C6orf118: variants seen among roughly 807,000 people sequenced by gnomAD.
C6orf118 encodes chromosome 6 open reading frame 118.
Under a neutral mutation model 50.2 loss-of-function variants are expected in C6orf118, and 50 were observed. The ratio of observed to expected loss-of-function variants is 1.00; its 90% CI spans 0.79 to 1.26. C6orf118 has a LOEUF of 1.26. C6orf118 is among the 50% of genes most tolerant of loss of function. C6orf118 has a pLI of 0.00. For missense variants in C6orf118, 641 were observed against 578.7 expected (o/e 1.11, Z -1.10); for synonymous variants, 239 against 230.9 (o/e 1.03, Z -0.32).
chr6:165,302,261 C>A lies in C6orf118; in HGVS notation c.61G>T (p.Val21Leu), dbSNP rs1257110834. The A allele has an allele frequency of 1.9e-6, 3 of 1,613,708 alleles. No individual in the cohort carries two copies. The highest frequency in any genetic ancestry group is 2.2e-5 in the South Asian group (2 of 91,064). Reference sequence around the variant, plus strand: ...TGCTTCAGATTACACAGGGTCTTCACGCCTGGCGTCTCGCAGTGCTTCCAC... The same window carrying A: ...TGCTTCAGATTACACAGGGTCTTCAAGCCTGGCGTCTCGCAGTGCTTCCAC... ...LKWKHCETPG[V>L]KTLCNLKHCE... is the part of the protein sequence containing the mutation. Residue 21 changes from valine (V) to leucine (L), a missense_variant, in exon 2 of 9, where the codon GTG becomes TTG. Coordinates refer to ENST00000230301, the MANE Select transcript of C6orf118 (RefSeq NM_144980.4).
At chr6:165,300,319 CA>C in intron 3 of C6orf118, 44 bp downstream of exon 3, 1 of 1,608,186 alleles carries the variant, frequency 6.2e-7, no homozygotes, top group South Asian at 1.1e-5. Flanking sequence ...CACAGAACCT[CA>C]TGCAAGCTTC....
intron 6 of C6orf118, among the ~76,000 whole-genome samples, chr6:165,290,822 C>T (rs532759703): frequency 3.9e-5 from 6 of 152,210 alleles, no homozygotes; most frequent in South Asian, 2.1e-4. Flanking sequence ...GTCTGTTTCA[C>T]GCTGCTGATA....
rs766131268 is a variant in C6orf118 at position 165,301,831 on chromosome 6, G to A, written c.491C>T (p.Pro164Leu). 4.3e-6 allele frequency: 7 copies of A among 1,613,792 alleles called. No homozygotes were observed. The highest frequency in any genetic ancestry group is 5.9e-6 in the Non-Finnish European group (7 of 1,179,984). ...EGKEEKKGGP[P>L]GRGPPGWRRR... Reference sequence around the variant, plus strand: ...GCGCCATCCAGGAGGGCCCCGTCCAGGAGGGCCTCCTTTCTTTTCTTCCTT... The same window carrying A: ...GCGCCATCCAGGAGGGCCCCGTCCAAGAGGGCCTCCTTTCTTTTCTTCCTT... The change falls in exon 2 of 9, where the codon CCT becomes CTT. Residue 164 changes from proline to leucine, a missense_variant. Physicochemically the swap from Pro to Leu is moderately conservative, Grantham distance 98. Coordinates refer to ENST00000230301, the MANE Select transcript of C6orf118 (RefSeq NM_144980.4).
At chr6:165,301,384 G>A (rs1319360653) in intron 2 of C6orf118, among the ~76,000 whole-genome samples, 185 bp downstream of exon 2, 1 of 138,290 alleles carries the variant, frequency 7.2e-6, no homozygotes, top group Non-Finnish European at 1.6e-5. Context: ...CGAGAACACT[G>A]CACCGAGAGC....
intron 7 of C6orf118, 86 bp from the exon 8 acceptor site, chr6:165,281,779 T>A: frequency 1.2e-6 from 1 of 840,074 alleles, no homozygotes; most frequent in Non-Finnish European, 1.7e-6. Context: ...ATTATGTGAA[T>A]GATATTATAA....
chr6:165,296,634 C>T (rs1780321285), intron 5 of C6orf118, among the ~76,000 whole-genome samples: 1 of 152,114 alleles, frequency 6.6e-6, no homozygotes, highest in South Asian at 2.1e-4. Context: ...CGCTCTGGAC[C>T]CAAACAAAAG....
intron 4 of C6orf118, among the ~76,000 whole-genome samples, chr6:165,298,910 C>A (rs932978292): frequency 6.6e-6 from 1 of 152,166 alleles, no homozygotes; most frequent in African/African-American, 2.4e-5. Flanking sequence ...ATTCAAAATA[C>A]CAAAGTTATC....
At position 165,279,749 on chromosome 6, in the gene C6orf118, C is replaced by T. The variant is rs73788314; in HGVS notation, c.*308G>A. On this transcript the variant is annotated 3_prime_UTR_variant, in exon 9 of 9. Transcript: ENST00000230301. ...ACAAATTTGAGCTGTATTCAAGCAG[C>T]GCTGAATTCCTTATTCTTAGCAAAT... 2,077 of 249,132 alleles carry T rather than the reference C, an allele frequency of 8.3e-3. 41 individuals carry two copies. Among genetic ancestry groups the T allele is most frequent in the African/African-American group, 0.043 (1,929 of 45,020 alleles). The allele number at this position is 249,132 out of a possible 1,614,324, so 15.4% of individuals were successfully genotyped here.
intron 8 of C6orf118, among the ~76,000 whole-genome samples, chr6:165,281,066 G>A (rs1366560283): frequency 6.6e-6 from 1 of 152,100 alleles, no homozygotes. Flanking sequence ...ATACCAATAA[G>A]TTTAGTTATA....
Position 165,301,992 on chromosome 6 carries a change from G to A in C6orf118, c.330C>T (p.Ala110=). The change falls in exon 2 of 9, where the codon GCC becomes GCT. Residue 110 remains alanine, a synonymous_variant. Coordinates refer to ENST00000230301, the MANE Select transcript of C6orf118 (RefSeq NM_144980.4). ...GKVARMKEAL[A]HFTIHTALVP... ...CCAGGGCCGTGTGGATGGTGAAGTGGGCCAGGGCCTCCTTCATCCTCGCCA... is the reference window on the plus strand; with the variant it reads ...CCAGGGCCGTGTGGATGGTGAAGTGAGCCAGGGCCTCCTTCATCCTCGCCA... 1.2e-6 allele frequency: 2 copies of A among 1,613,582 alleles called. No individual in the cohort carries two copies. Among genetic ancestry groups the A allele is most frequent in the Non-Finnish European group, 8.5e-7 (1 of 1,179,950 alleles).
At chr6:165,296,444 G>A (rs751850745) in intron 5 of C6orf118, among the ~76,000 whole-genome samples, 8 of 151,866 alleles carry the variant, frequency 5.3e-5, no homozygotes, top group Non-Finnish European at 1.0e-4. Flanking sequence ...CACCCACTAT[G>A]AGACAGCTAA....
In C6orf118 at chr6:165,296,261, T is replaced by G. The variant is rs57738744; in HGVS notation, c.1061+1716A>C. Among the ~76,000 whole-genome samples the G allele has an allele frequency of 4.4e-3, 584 of 132,662 alleles. 5 individuals are homozygous for G. Among genetic ancestry groups the G allele is most frequent in the African/African-American group, 0.02 (548 of 27,792 alleles). The allele number at this position is 132,662 out of a possible 152,430, so 87.0% of individuals were successfully genotyped here. A position where few individuals can be genotyped will look rare whatever the true frequency, so the allele number is the denominator to read the frequency against. On this transcript the variant is annotated intron_variant, in intron 5 of 8. Coordinates refer to ENST00000230301, the MANE Select transcript of C6orf118 (RefSeq NM_144980.4). The stretch of plus-strand genomic sequence containing the variant: ...TGTTTTCGTTTTTTGTTTTTTTTTT[T>G]TTTTTTTTTTTTTTTTGCCTTGGCA...
chr6:165,308,034 C>A (rs187553159), intron 1 of C6orf118, among the ~76,000 whole-genome samples: 2 of 152,342 alleles, frequency 1.3e-5, no homozygotes, highest in East Asian at 1.9e-4. Context: ...TGAATGTGAG[C>A]CCCCAGGAAC....
chr6:165,283,484 C>T (rs746525933), intron 7 of C6orf118, among the ~76,000 whole-genome samples: 1 of 152,222 alleles, frequency 6.6e-6, no homozygotes, highest in African/African-American at 2.4e-5. Flanking sequence ...CACCAAGGGG[C>T]AGTCAGAGTG....
At chr6:165,282,545 A>C (rs1268589743) in intron 7 of C6orf118, among the ~76,000 whole-genome samples, 1 of 152,092 alleles carries the variant, frequency 6.6e-6, no homozygotes, top group Non-Finnish European at 1.5e-5. Context: ...AGGATTAATA[A>C]TAGCAGCTAC....
At chr6:165,306,851 T>C (rs954658378) in intron 1 of C6orf118, among the ~76,000 whole-genome samples, 1 of 152,212 alleles carries the variant, frequency 6.6e-6, no homozygotes, top group Non-Finnish European at 1.5e-5. Context: ...CACATTCTTG[T>C]AATATATGCC....
intron 1 of C6orf118, among the ~76,000 whole-genome samples, chr6:165,304,812 G>A: frequency 2.0e-5 from 1 of 49,544 alleles, no homozygotes; most frequent in Non-Finnish European, 3.4e-5. Flanking sequence ...ACTGCTCAAG[G>A]AAATAAAAGA....
At chr6:165,309,447 G>A (rs1449630109) in intron 1 of C6orf118, 115 bp downstream of exon 1, 7 of 1,282,646 alleles carry the variant, frequency 5.5e-6, no homozygotes, top group African/African-American at 1.5e-5. Context: ...GAGCCGGCGT[G>A]CAGCCACCAG....
chr6:165,294,261 A>AT (rs1554230542), intron 5 of C6orf118, among the ~76,000 whole-genome samples: 3 of 145,830 alleles, frequency 2.1e-5, no homozygotes, highest in Non-Finnish European at 3.0e-5. Context: ...AAGCAAAAAA[A>AT]AAAAAACAAA....
Sources: gnomAD v4.1 joint callset for allele counts (sites outside exome capture counted in the v4.1 genomes callset) on GRCh38, gnomAD v4.1.1 for gene constraint, MANE v1.5 for transcripts, NCBI Gene and HGNC (gene_info 2026-07-23, HGNC 2026-07-21) for gene names.